The following AVEN variants were observed in gnomAD, a reference collection of about 807,000 sequenced individuals.
AVEN encodes cell death regulator Aven.
In AVEN, 41 loss-of-function variants were observed where a neutral mutation model predicts 38.1. The observed-to-expected ratio is 1.08, with a 90% CI of 0.84 to 1.40. AVEN has a LOEUF of 1.40. Among genes scored for constraint, AVEN ranks in the 40% most tolerant of loss-of-function variants. The pLI, the probability that AVEN is intolerant of heterozygous loss-of-function variation, is 0.00. For missense variants in AVEN, 605 were observed against 438.8 expected (o/e 1.38, Z -3.38); for synonymous variants, 206 against 171.8 (o/e 1.20, Z -1.56).
At chr15:33,922,495 G>C (rs951643061) in intron 2 of AVEN, among the ~76,000 whole-genome samples, 10 of 152,108 alleles carry the variant, frequency 6.6e-5, no homozygotes, top group Non-Finnish European at 1.3e-4. Context: ...GAATGCAATG[G>C]CATGATCATG....
chr15:34,073,989 CTTTT>C lies in AVEN; in HGVS notation n.720+443_720+446del, dbSNP rs5811818. Among the ~76,000 whole-genome samples the C allele has an allele frequency of 2.2e-3, 70 of 31,506 alleles. 4 individuals are homozygous for C. The highest frequency in any genetic ancestry group is 5.0e-3 in the Admixed American group (10 of 1,998). 20.7% of individuals were successfully genotyped at this position (31,506 alleles called of 152,430 possible). Reference sequence around the variant, plus strand: ...AGGAACTTTCTTTTTTCTTCTTCTTCTTTTTTTTTTTTTTTTTTTTTTTTTTGAG... The same window carrying C: ...AGGAACTTTCTTTTTTCTTCTTCTTCTTTTTTTTTTTTTTTTTTTTTTGAG... On this transcript the variant is annotated intron_variant and non_coding_transcript_variant, in intron 1 of 11. Transcript: ENST00000675287.
intron 1 of AVEN, among the ~76,000 whole-genome samples, chr15:34,011,483 T>C (rs754574409): frequency 6.6e-6 from 1 of 152,172 alleles, no homozygotes; most frequent in East Asian, 1.9e-4. Flanking sequence ...TAATAAATAA[T>C]TGGGCTCCAA....
chr15:33,930,687 G>A (rs1893808595), intron 2 of AVEN, among the ~76,000 whole-genome samples: 1 of 152,190 alleles, frequency 6.6e-6, no homozygotes, highest in South Asian at 2.1e-4. Context: ...CGGGCGCGGT[G>A]GCTCACGCCT....
chr15:34,062,058 T>C (rs867130636), intron 5 of AVEN, among the ~76,000 whole-genome samples: 4 of 152,158 alleles, frequency 2.6e-5, no homozygotes, highest in African/African-American at 9.7e-5. Flanking sequence ...CCATTTTTTT[T>C]CCTTTCCCTT....
chr15:33,958,454 G>T (rs1895038896), intron 2 of AVEN, among the ~76,000 whole-genome samples: 1 of 152,002 alleles, frequency 6.6e-6, no homozygotes, highest in African/African-American at 2.4e-5. Context: ...AGCCAGGCAT[G>T]GTAGCACACA....
At chr15:34,046,808 G>A (rs1381468436) in intron 5 of AVEN, 3 of 152,382 alleles carry the variant, frequency 2.0e-5, no homozygotes, top group Admixed American at 6.5e-5. Context: ...AGCAGGGTGG[G>A]GTGACGGCCC....
intron 2 of AVEN, among the ~76,000 whole-genome samples, chr15:33,920,775 C>CTTTCCT (rs1893362920): frequency 6.6e-6 from 1 of 150,992 alleles, no homozygotes; most frequent in Non-Finnish European, 1.5e-5. Context: ...AATATACTTC[C>CTTTCCT]TTTTTTTTTA....
At chr15:33,909,971 AC>A (rs1434719668) in intron 2 of AVEN, among the ~76,000 whole-genome samples, 2 of 149,648 alleles carry the variant, frequency 1.3e-5, no homozygotes, top group African/African-American at 5.1e-5. Context: ...AAATACAAAT[AC>A]AAAAAATTAG....
intron 2 of AVEN, among the ~76,000 whole-genome samples, chr15:33,889,780 T>C (rs1891856519): frequency 6.6e-6 from 1 of 152,232 alleles, no homozygotes; most frequent in Non-Finnish European, 1.5e-5. Context: ...TGCAATCTGA[T>C]TTTTATTCTT....
At position 34,034,414 on chromosome 15, in the gene AVEN, G is replaced by T. The variant is rs375321139; in HGVS notation, c.267+4366C>A. 1.3e-3 allele frequency among the ~76,000 whole-genome samples: 193 copies of T among 148,616 alleles called. 2 individuals carry two copies. The highest frequency in any genetic ancestry group is 4.5e-3 in the African/African-American group (181 of 40,486). ...TTTGCTCACACTACTGCACTCCAGC[G>T]TGAGCAACAAAGTGAGACCCAGTTT... On this transcript the variant is annotated intron_variant, in intron 1 of 5. Transcript: ENST00000306730.
intron 3 of AVEN, among the ~76,000 whole-genome samples, chr15:33,871,711 G>T (rs934704113): frequency 6.7e-6 from 1 of 149,676 alleles, no homozygotes; most frequent in Admixed American, 6.7e-5. Flanking sequence ...AGAGGAAAGG[G>T]CTATTTAGGC....
chr15:33,857,072 G>C (rs1488238361), downstream of AVEN, among the ~76,000 whole-genome samples: 1 of 152,096 alleles, frequency 6.6e-6, no homozygotes, highest in Non-Finnish European at 1.5e-5. Context: ...CACAGCACCT[G>C]CACTATTCAA....
intron 3 of AVEN, among the ~76,000 whole-genome samples, chr15:33,872,878 T>G (rs1891041485): frequency 6.6e-6 from 1 of 151,956 alleles, no homozygotes; most frequent in Non-Finnish European, 1.5e-5. Context: ...ACCCCTGTGG[T>G]CATGGAGGCC....
At chr15:33,909,733 T>A (rs564849604) in intron 2 of AVEN, among the ~76,000 whole-genome samples, 1 of 152,226 alleles carries the variant, frequency 6.6e-6, no homozygotes, top group African/African-American at 2.4e-5. Flanking sequence ...AATTTTGGAA[T>A]GGCTACAATT....
intron 2 of AVEN, among the ~76,000 whole-genome samples, chr15:33,996,230 T>C (rs79843909): frequency 2.0e-5 from 3 of 152,220 alleles, no homozygotes; most frequent in Admixed American, 1.3e-4. Context: ...GCTGCCTCTG[T>C]AGACCCCACC....
chr15:33,866,786 A>C (rs1463574370), intron 5 of AVEN, 58 bp from the exon 6 acceptor site: 4 of 1,220,076 alleles, frequency 3.3e-6, no homozygotes, highest in Non-Finnish European at 1.2e-6. Flanking sequence ...TGAAGGTATA[A>C]TTCAGCCCAA....
chr15:34,065,263 T>C (rs1900480301), intron 4 of AVEN: 1 of 152,206 alleles, frequency 6.6e-6, no homozygotes. Context: ...TGAATTAAGG[T>C]TCTTATATTG....
At chr15:34,065,706 A>G (rs1900492386) in intron 4 of AVEN, 1 of 152,206 alleles carries the variant, frequency 6.6e-6, no homozygotes, top group Non-Finnish European at 1.5e-5. Context: ...CACTTAATTG[A>G]AATCTCTAAG....
intron 2 of AVEN, among the ~76,000 whole-genome samples, chr15:33,964,708 C>T (rs1895322017): frequency 6.6e-6 from 1 of 151,972 alleles, no homozygotes; most frequent in Non-Finnish European, 1.5e-5. Flanking sequence ...GGCCATAATA[C>T]AATTTTGGAA....
Sources: gnomAD v4.1 joint callset for allele counts (sites outside exome capture counted in the v4.1 genomes callset) on GRCh38, gnomAD v4.1.1 for gene constraint, MANE v1.5 for transcripts, NCBI Gene and HGNC (gene_info 2026-07-23, HGNC 2026-07-21) for gene names.